The following HTR1F variants were observed in gnomAD, a reference collection of about 807,000 sequenced individuals.
The protein encoded by HTR1F is 5-hydroxytryptamine receptor 1F, also known as 5-hydroxytryptamine (serotonin) receptor 1F, G protein-coupled.
A neutral mutation model predicts 24.0 loss-of-function variants in HTR1F; 17 were observed. The ratio of observed to expected loss-of-function variants is 0.71; its 90% CI spans 0.48 to 1.06. HTR1F has a LOEUF of 1.06. Ranked by LOEUF, HTR1F falls within the 50% of genes least tolerant of loss-of-function variation. The probability of loss-of-function intolerance (pLI) is 0.00; values close to 1 mark genes in which losing one functional copy is unlikely to be tolerated. For synonymous variants in HTR1F, 186 were observed against 156.8 expected, an observed-to-expected ratio of 1.19 and a Z score of -1.39; for missense variants, 391 against 427.8, an observed-to-expected ratio of 0.91 and a Z score of 0.76.
rs141016296 is a variant in HTR1F, at chr3:87,981,429, A to C, written c.-42-9279A>C. Among the ~76,000 whole-genome samples, 500 of 152,282 alleles carry C rather than the reference A, an allele frequency of 3.3e-3. 3 individuals are homozygous for C. Among genetic ancestry groups the C allele is most frequent in the African/African-American group, 0.011 (441 of 41,552 alleles). On this transcript the variant is annotated intron_variant, in intron 2 of 2. Transcript: ENST00000319595. ...ACGCTAGTCTCGAACTCTTGAGCTC[A>C]AGCAATCTGCCCACCTCAGCCTCCC... is the stretch of plus-strand genomic sequence containing the variant.
At chr3:87,931,746 G>A (rs1474640646) in intron 2 of HTR1F, among the ~76,000 whole-genome samples, 1 of 151,686 alleles carries the variant, frequency 6.6e-6, no homozygotes, top group Admixed American at 6.6e-5. Context: ...CATTCTAACT[G>A]GTGTGAGATG....
At chr3:87,799,293 C>T (rs1372118729) in intron 1 of HTR1F, among the ~76,000 whole-genome samples, 1 of 152,104 alleles carries the variant, frequency 6.6e-6, no homozygotes, top group Non-Finnish European at 1.5e-5. Context: ...ATATCCAAGT[C>T]GTTATACATA....
At chr3:87,845,207 A>C (rs1408805313) in intron 2 of HTR1F, among the ~76,000 whole-genome samples, 3 of 151,642 alleles carry the variant, frequency 2.0e-5, no homozygotes, top group Non-Finnish European at 4.4e-5. Flanking sequence ...ACTCCTATTC[A>C]ACATAGTGTT....
chr3:87,954,560 A>G (rs1277441750), intron 2 of HTR1F, among the ~76,000 whole-genome samples: 1 of 151,744 alleles, frequency 6.6e-6, no homozygotes. Flanking sequence ...TCTATAGTAT[A>G]AAGCAAAAGA....
chr3:87,825,668 C>T (rs1704448278), intron 2 of HTR1F, among the ~76,000 whole-genome samples: 1 of 152,202 alleles, frequency 6.6e-6, no homozygotes, highest in Non-Finnish European at 1.5e-5. Flanking sequence ...ATTTTAGTCT[C>T]AGAGTCGCAC....
At chr3:87,984,886 A>G (rs1159974785) in intron 2 of HTR1F, among the ~76,000 whole-genome samples, 9 of 152,238 alleles carry the variant, frequency 5.9e-5, no homozygotes. Flanking sequence ...TTGAAAAGGC[A>G]GTAAAAAAAT....
intron 2 of HTR1F, among the ~76,000 whole-genome samples, chr3:87,883,152 C>G (rs1055828031): frequency 2.6e-5 from 4 of 152,224 alleles, no homozygotes; most frequent in African/African-American, 9.6e-5. Flanking sequence ...TGTTCTGCAG[C>G]CTTCACTAGT....
At chr3:87,930,819 G>C (rs1371234307) in intron 2 of HTR1F, among the ~76,000 whole-genome samples, 1 of 151,940 alleles carries the variant, frequency 6.6e-6, no homozygotes, top group Non-Finnish European at 1.5e-5. Flanking sequence ...ACTACTATTT[G>C]TTTACATACA....
chr3:87,952,910 C>CTCATGTATAT (rs1441147630), intron 2 of HTR1F, among the ~76,000 whole-genome samples: 1 of 151,570 alleles, frequency 6.6e-6, no homozygotes, highest in Non-Finnish European at 1.5e-5. Context: ...TAAAAGTTAC[C>CTCATGTATAT]TCATGTATAT....
intron 2 of HTR1F, among the ~76,000 whole-genome samples, chr3:87,858,142 A>G (rs1705238923): frequency 6.6e-6 from 1 of 152,180 alleles, no homozygotes; most frequent in East Asian, 1.9e-4. Context: ...ATCTTAAGTG[A>G]TTTGTTGTAG....
chr3:87,911,218 G>A (rs1020070564), intron 2 of HTR1F, among the ~76,000 whole-genome samples: 1 of 151,954 alleles, frequency 6.6e-6, no homozygotes, highest in African/African-American at 2.4e-5. Flanking sequence ...TAGTCGACTA[G>A]CTAGACTAAT....
At chr3:87,949,874 T>C (rs1419848929) in intron 2 of HTR1F, among the ~76,000 whole-genome samples, 1 of 152,222 alleles carries the variant, frequency 6.6e-6, no homozygotes. Flanking sequence ...TTTACGTTGC[T>C]AGAAAGGAGT....
intron 1 of HTR1F, among the ~76,000 whole-genome samples, chr3:87,802,280 TTCCCTCCC>T (rs772037213): frequency 1.7e-5 from 1 of 59,074 alleles, no homozygotes; most frequent in Non-Finnish European, 2.9e-5. Flanking sequence ...CCTTCCCTTC[TTCCCTCCC>T]TCCCTCCCTC....
chr3:87,884,433 T>C (rs1705886738), intron 2 of HTR1F, among the ~76,000 whole-genome samples: 1 of 152,152 alleles, frequency 6.6e-6, no homozygotes. Context: ...AGGAAGGAAC[T>C]GCATCAACTA....
chr3:87,843,599 T>C (rs528175948), intron 2 of HTR1F, among the ~76,000 whole-genome samples: 1 of 151,362 alleles, frequency 6.6e-6, no homozygotes, highest in South Asian at 2.1e-4. Context: ...TACATATGTA[T>C]ACATGTGCCA....
intron 2 of HTR1F, among the ~76,000 whole-genome samples, chr3:87,933,790 T>C (rs889988516): frequency 1.1e-4 from 17 of 152,192 alleles, no homozygotes; most frequent in African/African-American, 4.1e-4. Context: ...CAAGGTAATA[T>C]ATACATTCAA....
At chr3:87,874,004 C>G (rs527253427) in intron 2 of HTR1F, among the ~76,000 whole-genome samples, 1 of 151,984 alleles carries the variant, frequency 6.6e-6, no homozygotes, top group African/African-American at 2.4e-5. Context: ...ATATGAGAAG[C>G]CCACAGCTAA....
At chr3:87,895,811 T>C (rs1306659439) in intron 2 of HTR1F, among the ~76,000 whole-genome samples, 1 of 152,192 alleles carries the variant, frequency 6.6e-6, no homozygotes, top group Non-Finnish European at 1.5e-5. Flanking sequence ...GGTGAATTTT[T>C]GACATCTTTC....
At chr3:87,987,338 T>C (rs142439093) in intron 2 of HTR1F, among the ~76,000 whole-genome samples, 58 of 151,972 alleles carry the variant, frequency 3.8e-4, no homozygotes, top group Non-Finnish European at 6.0e-4. Flanking sequence ...CCTGTAATCA[T>C]TGACCTTCTA....
Sources: allele counts gnomAD v4.1 joint callset (sites outside exome capture counted in the v4.1 genomes callset), GRCh38; gene constraint gnomAD v4.1.1; transcripts MANE v1.5; gene names NCBI Gene and HGNC (gene_info 2026-07-23, HGNC 2026-07-21).